Variants in KIRREL1 observed in about 807,000 individuals in gnomAD.
The protein encoded by KIRREL1 is kin of IRRE-like protein 1.
In KIRREL1, 25 loss-of-function variants were observed where a neutral mutation model predicts 83.3. The ratio of observed to expected loss-of-function variants is 0.30; its 90% CI spans 0.22 to 0.42. KIRREL1 has a LOEUF of 0.42. Ranked by LOEUF, KIRREL1 falls within the 10% of genes least tolerant of loss-of-function variation. The pLI is 1.00. For synonymous variants in KIRREL1, 388 were observed against 410.4 expected (o/e 0.95, Z 0.66); for missense variants, 812 against 1,032.3 (o/e 0.79, Z 2.92).
chr1:158,055,989 G>T (rs1420457917), intron 1 of KIRREL1, among the ~76,000 whole-genome samples: 3 of 152,156 alleles, frequency 2.0e-5, no homozygotes, highest in African/African-American at 7.2e-5. Flanking sequence ...GCAGGCACTG[G>T]TGTTTGCAGG....
chr1:158,028,890 G>A (rs145712806), intron 1 of KIRREL1, among the ~76,000 whole-genome samples: 2 of 152,244 alleles, frequency 1.3e-5, no homozygotes, highest in East Asian at 3.9e-4. Context: ...AGGTATTAGT[G>A]TACATTCCAC....
chr1:158,084,285 A>G, intron 3 of KIRREL1, 137 bp from the exon 4 acceptor site: 1 of 720,746 alleles, frequency 1.4e-6, no homozygotes, highest in South Asian at 2.1e-5. Flanking sequence ...CAGTGGTTGT[A>G]GATTAGGGGG....
In KIRREL1 at chr1:158,078,043, G is replaced by A. The variant is rs116894384; in HGVS notation, c.255G>A (p.Leu85=). The A allele has an allele frequency of 2.8e-5, 46 of 1,614,178 alleles. No individual in the cohort carries two copies. In the East Asian group the frequency reaches 1.0e-3, roughly 35 times the overall value. Residue 85 remains leucine, a synonymous_variant, in exon 3 of 15, where the codon CTG becomes CTA. Transcript: ENST00000359209. ...VGSADAGQYN[L]EITDAELSDD... Reference sequence around the variant, plus strand: ...CCGCAGACGCTGGGCAGTACAACCTGGAGATCACAGATGCTGAGCTCTCTG... The same window carrying A: ...CCGCAGACGCTGGGCAGTACAACCTAGAGATCACAGATGCTGAGCTCTCTG...
intron 1 of KIRREL1, among the ~76,000 whole-genome samples, chr1:158,054,800 C>CA (rs985255909): frequency 6.6e-6 from 1 of 152,118 alleles, no homozygotes; most frequent in Non-Finnish European, 1.5e-5. Flanking sequence ...TTCAATTCAA[C>CA]AAATATTTAT....
chr1:158,071,502 G>C (rs1029260201), intron 1 of KIRREL1, among the ~76,000 whole-genome samples: 1 of 152,196 alleles, frequency 6.6e-6, no homozygotes, highest in African/African-American at 2.4e-5. Context: ...AAGCAGATGG[G>C]AATACACTTA....
At chr1:158,006,075 A>G (rs78365841) in intron 1 of KIRREL1, among the ~76,000 whole-genome samples, 2,688 of 152,332 alleles carry the variant, frequency 0.018, 70 homozygotes, top group African/African-American at 0.061. Flanking sequence ...GGCAAAGTAC[A>G]GATGGGGCGA....
intron 1 of KIRREL1, among the ~76,000 whole-genome samples, chr1:157,999,276 T>C (rs772123991): frequency 7.9e-5 from 12 of 152,156 alleles, no homozygotes; most frequent in Non-Finnish European, 1.3e-4. Context: ...GACCAGTAAA[T>C]AATGCCCCTT....
Position 158,032,990 on chromosome 1 carries a change from C to T in KIRREL1, c.52+39262C>T, listed in dbSNP as rs113740027. Among the ~76,000 whole-genome samples the T allele has an allele frequency of 7.9e-5, 12 of 152,244 alleles. No individual in the cohort carries two copies. In the South Asian group the frequency reaches 8.3e-4, roughly 11 times the overall value. On this transcript the variant is annotated intron_variant, in intron 1 of 14. Coordinates refer to ENST00000359209, the MANE Select transcript of KIRREL1 (RefSeq NM_018240.7). The stretch of plus-strand genomic sequence containing the variant: ...TTCACCATGTTGGCCAGGCAGGTCT[C>T]GAACTCCTGACCTCAAGTGATCTGC...
At chr1:158,060,818 A>G (rs1181562052) in intron 1 of KIRREL1, among the ~76,000 whole-genome samples, 1 of 152,134 alleles carries the variant, frequency 6.6e-6, no homozygotes, top group Non-Finnish European at 1.5e-5. Flanking sequence ...CTCTCATCTT[A>G]TTCCAGGGTG....
intron 10 of KIRREL1, 26 bp from the exon 11 acceptor site, chr1:158,091,331 AC>A: frequency 6.2e-7 from 1 of 1,605,838 alleles, no homozygotes; most frequent in Non-Finnish European, 8.5e-7. Flanking sequence ...CCCCTTTCTT[AC>A]CTTCTTCCTT....
Position 158,096,853 on chromosome 1 carries a change from C to G in KIRREL1, c.*1733C>G, listed in dbSNP as rs1489043540. 6.6e-6 allele frequency: 3 copies of G among 456,716 alleles called. No homozygotes were observed. Among genetic ancestry groups the G allele is most frequent in the Non-Finnish European group, 8.8e-6 (2 of 226,984 alleles). 28.3% of individuals were successfully genotyped at this position (456,716 alleles called of 1,614,324 possible). A position where few individuals can be genotyped will look rare whatever the true frequency, so the allele number is the denominator to read the frequency against. Reference sequence around the variant, plus strand: ...GGGAGACAGGGCCTCTGGTGCAGTTCCCAAAATGTTCCTCGCCCTTTCTCC... The same window carrying G: ...GGGAGACAGGGCCTCTGGTGCAGTTGCCAAAATGTTCCTCGCCCTTTCTCC... On this transcript the variant is annotated 3_prime_UTR_variant, in exon 15 of 15. Transcript: ENST00000359209.
chr1:158,029,187 A>G (rs1660249585), intron 1 of KIRREL1, among the ~76,000 whole-genome samples: 1 of 127,914 alleles, frequency 7.8e-6, no homozygotes, highest in Admixed American at 8.7e-5. Context: ...TATTTACAAG[A>G]CTGTGCAAGG....
At chr1:158,044,307 G>A (rs150301203) in intron 1 of KIRREL1, among the ~76,000 whole-genome samples, 1 of 152,264 alleles carries the variant, frequency 6.6e-6, no homozygotes, top group African/African-American at 2.4e-5. Flanking sequence ...ATCTGGGAGG[G>A]GACAGTCATC....
At chr1:158,070,284 A>G (rs952273765) in intron 1 of KIRREL1, among the ~76,000 whole-genome samples, 1 of 152,208 alleles carries the variant, frequency 6.6e-6, no homozygotes, top group African/African-American at 2.4e-5. Flanking sequence ...CCTGTAGCAG[A>G]AAATACCTGA....
chr1:158,085,330 C>T (rs1351396389), intron 4 of KIRREL1, among the ~76,000 whole-genome samples: 1 of 152,202 alleles, frequency 6.6e-6, no homozygotes, highest in Non-Finnish European at 1.5e-5. Context: ...TGTTCCCATG[C>T]TCCTCAGCAA....
intron 1 of KIRREL1, among the ~76,000 whole-genome samples, chr1:158,035,502 A>G (rs1311769569): frequency 1.3e-5 from 2 of 152,228 alleles, no homozygotes; most frequent in East Asian, 3.8e-4. Flanking sequence ...CAATTCATAT[A>G]TAATGAGCAC....
At chr1:158,029,405 A>C (rs1010145262) in intron 1 of KIRREL1, among the ~76,000 whole-genome samples, 1 of 141,368 alleles carries the variant, frequency 7.1e-6, no homozygotes, top group African/African-American at 2.6e-5. Context: ...GCATGTGCAT[A>C]TATGCACGTA....
intron 2 of KIRREL1, 102 bp downstream of exon 2, chr1:158,076,364 AC>A: frequency 9.6e-7 from 1 of 1,043,086 alleles, no homozygotes. Flanking sequence ...TTCCCTCACC[AC>A]CCTCCTCTGT....
intron 1 of KIRREL1, among the ~76,000 whole-genome samples, chr1:158,009,895 G>T (rs2101634278): frequency 6.6e-6 from 1 of 152,272 alleles, no homozygotes; most frequent in Non-Finnish European, 1.5e-5. Context: ...CTCAGCTTCT[G>T]GTTTCCTGGG....
Sources: allele counts gnomAD v4.1 joint callset (sites outside exome capture counted in the v4.1 genomes callset), GRCh38; gene constraint gnomAD v4.1.1; transcripts MANE v1.5; gene names NCBI Gene and HGNC (gene_info 2026-07-23, HGNC 2026-07-21).